SHISA6: variants seen among roughly 807,000 people sequenced by gnomAD.
SHISA6 encodes shisa family member 6.
SHISA6 carries 22 observed loss-of-function variants against 47.9 expected under a neutral mutation model. The observed-to-expected ratio is 0.46, with a 90% CI of 0.33 to 0.66. SHISA6 has a LOEUF of 0.66. Among genes scored for constraint, SHISA6 ranks in the 30% least tolerant of loss-of-function variants. The pLI, the probability that SHISA6 is intolerant of heterozygous loss-of-function variation, is 0.02. For synonymous variants in SHISA6, 388 were observed against 337.8 expected, an observed-to-expected ratio of 1.15 and a Z score of -1.63; for missense variants, 680 against 764.6, an observed-to-expected ratio of 0.89 and a Z score of 1.30.
intron 2 of SHISA6, among the ~76,000 whole-genome samples, chr17:11,349,816 G>A (rs1911812548): frequency 6.6e-6 from 1 of 152,178 alleles, no homozygotes; most frequent in African/African-American, 2.4e-5. Flanking sequence ...AAAGCAATAG[G>A]TTGGAAACAG....
chr17:11,430,006 T>A (rs1328902654), intron 3 of SHISA6, among the ~76,000 whole-genome samples: 2 of 152,192 alleles, frequency 1.3e-5, no homozygotes, highest in Non-Finnish European at 2.9e-5. Context: ...CATTTGTCAA[T>A]GACCCATTTT....
intron 3 of SHISA6, among the ~76,000 whole-genome samples, chr17:11,539,587 C>G (rs2071816287): frequency 6.6e-6 from 1 of 152,232 alleles, no homozygotes; most frequent in Non-Finnish European, 1.5e-5. Flanking sequence ...GCTTCTTCAG[C>G]CTTGGCTGCT....
At chr17:11,303,598 G>A (rs897967875) in intron 2 of SHISA6, among the ~76,000 whole-genome samples, 1 of 152,112 alleles carries the variant, frequency 6.6e-6, no homozygotes, top group African/African-American at 2.4e-5. Context: ...TTACCTGTAG[G>A]AGAGCCACAC....
chr17:11,336,391 G>A (rs915461278), intron 2 of SHISA6, among the ~76,000 whole-genome samples: 15 of 151,946 alleles, frequency 9.9e-5, no homozygotes, highest in Admixed American at 8.5e-4. Flanking sequence ...TATTATGGGG[G>A]CAGAGAGAGA....
chr17:11,259,979 G>T (rs1362317282), intron 1 of SHISA6, among the ~76,000 whole-genome samples: 2 of 152,196 alleles, frequency 1.3e-5, no homozygotes, highest in African/African-American at 4.8e-5. Context: ...GGTAATAATA[G>T]CTGCAAAGGT....
intron 2 of SHISA6, among the ~76,000 whole-genome samples, chr17:11,276,447 TG>T (rs1445614351): frequency 6.6e-6 from 1 of 152,248 alleles, no homozygotes; most frequent in Non-Finnish European, 1.5e-5. Context: ...CTTGTTATTT[TG>T]AACAATTTCA....
Position 11,557,998 on chromosome 17 carries a change from G to A in SHISA6, c.1350G>A (p.Glu450=), listed in dbSNP as rs1451686847. ...CCGACGAGCAGCTGCTCTCCACGGAGCGCCTGCACTCCCAGGACCCGCTGC... is the reference window on the plus strand; with the variant it reads ...CCGACGAGCAGCTGCTCTCCACGGAACGCCTGCACTCCCAGGACCCGCTGC... ...ILSDEQLLST[E]RLHSQDPLLS... Residue 450 remains glutamate (E), a synonymous_variant, in exon 6 of 6, where the codon GAG becomes GAA. Coordinates refer to ENST00000441885, the MANE Select transcript of SHISA6 (RefSeq NM_207386.4). 2 of 1,551,482 alleles carry A rather than the reference G, an allele frequency of 1.3e-6. No individual in the cohort carries two copies. The highest frequency in any genetic ancestry group is 1.2e-5 in the South Asian group (1 of 84,032).
chr17:11,271,855 T>C (rs1422048779), intron 2 of SHISA6, among the ~76,000 whole-genome samples: 2 of 152,034 alleles, frequency 1.3e-5, no homozygotes, highest in African/African-American at 4.8e-5. Context: ...AGAATCTTGC[T>C]CTCTGGACTT....
intron 2 of SHISA6, among the ~76,000 whole-genome samples, chr17:11,330,732 CA>C (rs1181086842): frequency 6.6e-6 from 1 of 151,624 alleles, no homozygotes; most frequent in Non-Finnish European, 1.5e-5. Flanking sequence ...CATACACGAG[CA>C]AAGAAAAAAA....
intron 3 of SHISA6, among the ~76,000 whole-genome samples, chr17:11,540,387 A>T (rs1245822339): frequency 6.6e-6 from 1 of 152,186 alleles, no homozygotes; most frequent in East Asian, 1.9e-4. Flanking sequence ...CTTCCTGTAC[A>T]TTAATGGGAG....
intron 3 of SHISA6, among the ~76,000 whole-genome samples, chr17:11,454,723 C>G (rs1421039439): frequency 1.3e-5 from 2 of 152,178 alleles, no homozygotes; most frequent in Non-Finnish European, 2.9e-5. Flanking sequence ...CATCATGGCG[C>G]TTATCCAAAT....
chr17:11,340,327 T>G (rs185217939), intron 2 of SHISA6, among the ~76,000 whole-genome samples: 84 of 152,344 alleles, frequency 5.5e-4, no homozygotes, highest in African/African-American at 2.0e-3. Flanking sequence ...CCTGAGCTCA[T>G]GCCTGTGGTT....
chr17:11,530,519 C>T (rs1473004536), intron 3 of SHISA6, among the ~76,000 whole-genome samples: 1 of 152,122 alleles, frequency 6.6e-6, no homozygotes, highest in Admixed American at 6.5e-5. Flanking sequence ...AGTTTTTAGA[C>T]ATTAAAACCA....
At chr17:11,485,475 CTGCCTT>C (rs957781976) in intron 3 of SHISA6, among the ~76,000 whole-genome samples, 1 of 152,166 alleles carries the variant, frequency 6.6e-6, no homozygotes, top group African/African-American at 2.4e-5. Context: ...CCTACAGTTG[CTGCCTT>C]TGCCATACCC....
At chr17:11,378,424 A>G (rs1359104885) in intron 2 of SHISA6, among the ~76,000 whole-genome samples, 1 of 152,084 alleles carries the variant, frequency 6.6e-6, no homozygotes, top group Non-Finnish European at 1.5e-5. Context: ...TCCATTTTTA[A>G]ACTTAACATT....
At chr17:11,483,178 G>A (rs2969204) in intron 3 of SHISA6, among the ~76,000 whole-genome samples, 41,738 of 151,800 alleles carry the variant, frequency 0.27, 5,823 homozygotes, top group African/African-American at 0.32. Flanking sequence ...GCACGTGCCT[G>A]TAATCCCAGC....
At chr17:11,447,974 G>A (rs1390681071) in intron 3 of SHISA6, among the ~76,000 whole-genome samples, 1 of 152,186 alleles carries the variant, frequency 6.6e-6, no homozygotes, top group African/African-American at 2.4e-5. Context: ...CGCCAACTGT[G>A]CATTCCACTT....
chr17:11,370,256 C>G (rs1451630182), intron 2 of SHISA6, among the ~76,000 whole-genome samples: 1 of 152,152 alleles, frequency 6.6e-6, no homozygotes, highest in Non-Finnish European at 1.5e-5. Flanking sequence ...AGCCATGTAA[C>G]TTTCTTAAGA....
intron 2 of SHISA6, among the ~76,000 whole-genome samples, chr17:11,275,781 G>C (rs975584298): frequency 3.9e-5 from 6 of 152,100 alleles, no homozygotes; most frequent in Non-Finnish European, 5.9e-5. Context: ...AGTGGTTGGA[G>C]TAGAGAGAGC....
Sources: allele counts gnomAD v4.1 joint callset (sites outside exome capture counted in the v4.1 genomes callset), GRCh38; gene constraint gnomAD v4.1.1; transcripts MANE v1.5; gene names NCBI Gene and HGNC (gene_info 2026-07-23, HGNC 2026-07-21).